Variants in GRIN2B observed in about 807,000 individuals in gnomAD.
The protein encoded by GRIN2B is glutamate ionotropic receptor NMDA type subunit 2B.
GRIN2B carries 5 observed loss-of-function variants against 114.5 expected under a neutral mutation model. The ratio of observed to expected loss-of-function variants is 0.04; its 90% CI spans 0.02 to 0.09. The LOEUF is 0.09. GRIN2B is among the 10% of genes least tolerant of loss of function. The pLI is 1.00. For missense variants in GRIN2B, 1,108 were observed against 1,943.5 expected (o/e 0.57, Z 8.08); for synonymous variants, 787 against 745.1 (o/e 1.06, Z -0.92).
intron 2 of GRIN2B, among the ~76,000 whole-genome samples, chr12:13,973,858 T>C (rs1408958884): frequency 6.6e-6 from 1 of 152,088 alleles, no homozygotes; most frequent in African/African-American, 2.4e-5. Flanking sequence ...AGAAAATAAA[T>C]TTAGGGAATC....
intron 4 of GRIN2B, among the ~76,000 whole-genome samples, chr12:13,699,593 AT>A (rs754086206): frequency 3.0e-3 from 432 of 144,260 alleles, no homozygotes; most frequent in South Asian, 3.3e-3. Context: ...AAAAAAAATA[AT>A]TTTTTTTTTT....
At chr12:13,723,937 C>A (rs900001164) in intron 4 of GRIN2B, among the ~76,000 whole-genome samples, 1 of 152,066 alleles carries the variant, frequency 6.6e-6, no homozygotes, top group African/African-American at 2.4e-5. Flanking sequence ...AAATGCATAA[C>A]CTTGGAATTC....
chr12:13,655,506 A>G (rs1254000156), intron 5 of GRIN2B, among the ~76,000 whole-genome samples: 1 of 152,156 alleles, frequency 6.6e-6, no homozygotes, highest in Non-Finnish European at 1.5e-5. Context: ...CTGCATCCTC[A>G]ATAGAATGAG....
intron 4 of GRIN2B, among the ~76,000 whole-genome samples, chr12:13,737,918 T>G (rs1863214206): frequency 6.6e-6 from 1 of 152,238 alleles, no homozygotes. Context: ...TGAAAAATTA[T>G]GTTCTTTCTT....
rs1948522117 is a variant in GRIN2B at position 13,560,035 on chromosome 12, C to G, written c.*2748G>C. 6.6e-6 allele frequency: 1 copy of G among 152,160 alleles called. No homozygotes were observed. The highest frequency in any genetic ancestry group is 2.4e-5 in the African/African-American group (1 of 41,434). 9.4% of individuals were successfully genotyped at this position (152,160 alleles called of 1,614,324 possible). ...CTGTCTTTGTGTGGAATGTGGTAAC[C>G]TAGGGTCTACCTAGAAGATAGGAGT... On this transcript the variant is annotated 3_prime_UTR_variant, in exon 14 of 14. Coordinates refer to ENST00000609686, the MANE Select transcript of GRIN2B (RefSeq NM_000834.5).
In GRIN2B at chr12:13,654,594, G is replaced by A. The variant is rs77542441; in HGVS notation, c.1125+21151C>T. Among the ~76,000 whole-genome samples the A allele has an allele frequency of 9.9e-5, 15 of 152,216 alleles. No individual in the cohort carries two copies. The East Asian group carries it at 2.7e-3, about 27-fold the overall frequency. ...CCCCCAAACTGCTGGCTGCCAATGC[G>A]TCAAATGGTTCTGTTTCCAACAATT... On this transcript the variant is annotated intron_variant, in intron 5 of 13. Coordinates refer to ENST00000609686, the MANE Select transcript of GRIN2B (RefSeq NM_000834.5).
intron 5 of GRIN2B, among the ~76,000 whole-genome samples, chr12:13,650,811 A>G (rs1565489001): frequency 6.6e-6 from 1 of 152,094 alleles, no homozygotes; most frequent in South Asian, 2.1e-4. Flanking sequence ...AACATTTTCT[A>G]TCTTTCCTGC....
chr12:13,595,956 G>T (rs1055755061), intron 10 of GRIN2B, among the ~76,000 whole-genome samples: 1 of 152,082 alleles, frequency 6.6e-6, no homozygotes, highest in Non-Finnish European at 1.5e-5. Context: ...TGTTTGCAGG[G>T]ATGGGTGGGT....
intron 5 of GRIN2B, among the ~76,000 whole-genome samples, chr12:13,674,247 C>G (rs114142823): frequency 0.028 from 4,248 of 151,988 alleles, 187 homozygotes; most frequent in African/African-American, 0.097. Context: ...ATAGTCCCAG[C>G]TACTTGGGAG....
intron 4 of GRIN2B, among the ~76,000 whole-genome samples, chr12:13,723,751 G>T (rs567048179): frequency 6.6e-6 from 1 of 152,194 alleles, no homozygotes; most frequent in African/African-American, 2.4e-5. Flanking sequence ...TTATGTGGTG[G>T]CTCTGGTATT....
At position 13,854,288 on chromosome 12, in the gene GRIN2B, G is replaced by A. The variant is rs536084282; in HGVS notation, c.411+11510C>T. Among the ~76,000 whole-genome samples, 3 of 152,266 alleles carry A rather than the reference G, an allele frequency of 2.0e-5. No homozygotes were observed. The East Asian group carries it at 5.8e-4, about 29-fold the overall frequency. On this transcript the variant is annotated intron_variant, in intron 3 of 13. Transcript: ENST00000609686. ...GCACTTTAGAAGGCCAAGGTGGGCG[G>A]ATCACGAGGTCAGGAGTTCGAGACC...
rs747235156 is a variant in GRIN2B at position 13,564,301 on chromosome 12, G to A, written c.2937C>T (p.Asn979=). Residue 979 remains asparagine (N), a synonymous_variant, in exon 14 of 14, where the codon AAC becomes AAT. Coordinates refer to ENST00000609686, the MANE Select transcript of GRIN2B (RefSeq NM_000834.5). The surrounding 1 kb of genome is among the most constrained non-coding windows in gnomAD (Gnocchi z 4.8). ...TFGNLQLKDS[N]VYQDHYHHHH... is the part of the protein sequence containing the mutation. ...GATGGTGGTAGTGATCTTGGTACAC[G>A]TTGCTGTCCTTCAGCTGCAGGTTCC... 11 of 1,614,186 alleles carry A rather than the reference G, an allele frequency of 6.8e-6. No homozygotes were observed. Among genetic ancestry groups the A allele is most frequent in the South Asian group, 1.1e-5 (1 of 91,082 alleles).
At position 13,591,558 on chromosome 12, in the gene GRIN2B, C is replaced by A. The variant is rs551524042; in HGVS notation, c.2010+17045G>T. Reference sequence around the variant, plus strand: ...TCACATAGCTTCTTGTCTTAGTTTTCTCTACTGCACAGTAGAGGTAGCATC... The same window carrying A: ...TCACATAGCTTCTTGTCTTAGTTTTATCTACTGCACAGTAGAGGTAGCATC... On this transcript the variant is annotated intron_variant, in intron 10 of 13. Transcript: ENST00000609686. Among the ~76,000 whole-genome samples the A allele has an allele frequency of 7.8e-3, 1,192 of 152,268 alleles. 20 individuals are homozygous for A. Among genetic ancestry groups the A allele is most frequent in the African/African-American group, 0.027 (1,130 of 41,554 alleles).
intron 4 of GRIN2B, among the ~76,000 whole-genome samples, chr12:13,696,127 A>G (rs1950256940): frequency 6.6e-6 from 1 of 152,180 alleles, no homozygotes; most frequent in Admixed American, 6.5e-5. Flanking sequence ...GGAAGAAGAA[A>G]TGCTTGGGAG....
chr12:13,784,223 C>CAAAAAAAAAAAAAAAAA (rs56197649), intron 3 of GRIN2B, among the ~76,000 whole-genome samples: 1 of 71,910 alleles, frequency 1.4e-5, no homozygotes, highest in African/African-American at 5.9e-5. Context: ...GACTTCGCCT[C>CAAAAAAAAAAAAAAAAA]AAAAAAAAAA....
intron 4 of GRIN2B, among the ~76,000 whole-genome samples, chr12:13,694,695 A>ATG (rs1950245296): frequency 8.6e-6 from 1 of 116,714 alleles, no homozygotes; most frequent in Non-Finnish European, 1.9e-5. Flanking sequence ...ATATATATAT[A>ATG]TATATATAAA....
intron 3 of GRIN2B, among the ~76,000 whole-genome samples, chr12:13,837,530 T>G (rs1865295730): frequency 6.6e-6 from 1 of 152,220 alleles, no homozygotes; most frequent in Non-Finnish European, 1.5e-5. Flanking sequence ...GGTAAGGCAT[T>G]TCCTTCTATG....
intron 5 of GRIN2B, among the ~76,000 whole-genome samples, chr12:13,674,230 C>T (rs1950049409): frequency 6.6e-6 from 1 of 152,042 alleles, no homozygotes; most frequent in Non-Finnish European, 1.5e-5. Context: ...CATGGTGATA[C>T]ACACCTATAG....
chr12:13,962,787 G>T lies in GRIN2B; in HGVS notation c.-19+17141C>A, dbSNP rs114521767. ...CTGGAGTCCAGACAGAACTTCCCAG[G>T]GGGGCAGAGCAGCTGTCGCTTTCTG... On this transcript the variant is annotated intron_variant, in intron 2 of 13. Coordinates refer to ENST00000609686, the MANE Select transcript of GRIN2B (RefSeq NM_000834.5). 6.7e-3 allele frequency among the ~76,000 whole-genome samples: 1,014 copies of T among 152,282 alleles called. 13 individuals are homozygous for T. Among genetic ancestry groups the T allele is most frequent in the African/African-American group, 0.023 (966 of 41,560 alleles).
Sources: allele counts gnomAD v4.1 joint callset (sites outside exome capture counted in the v4.1 genomes callset), GRCh38; gene constraint gnomAD v4.1.1; non-coding constraint Gnocchi (gnomAD v3.1); transcripts MANE v1.5; gene names NCBI Gene and HGNC (gene_info 2026-07-23, HGNC 2026-07-21).